ACTN4: variants seen among roughly 807,000 people sequenced by gnomAD.
ACTN4 encodes actinin alpha 4, also known as alpha-actinin-4.
Under a neutral mutation model 114.2 loss-of-function variants are expected in ACTN4, and 18 were observed. The ratio of observed to expected loss-of-function variants is 0.16; its 90% CI spans 0.11 to 0.23. The LOEUF (loss-of-function observed/expected upper bound fraction) is 0.23. Ranked by LOEUF, ACTN4 falls within the 10% of genes least tolerant of loss-of-function variation. The probability of loss-of-function intolerance (pLI) is 1.00; values close to 1 mark genes in which losing one functional copy is unlikely to be tolerated. For synonymous variants in ACTN4, 515 were observed against 506.3 expected, an observed-to-expected ratio of 1.02 and a Z score of -0.23; for missense variants, 722 against 1,262.9, an observed-to-expected ratio of 0.57 and a Z score of 6.49.
intron 1 of ACTN4, 73 bp downstream of exon 1, chr19:38,647,980 A>G: frequency 7.2e-7 from 1 of 1,387,574 alleles, no homozygotes; most frequent in Non-Finnish European, 9.3e-7. Context: ...GGAGGTCCTG[A>G]AAGGTAACTG....
In ACTN4 at chr19:38,726,001, G is replaced by C. The variant is rs763861557; in HGVS notation, c.2190+98G>C. On this transcript the variant is annotated intron_variant, in intron 17 of 20. Transcript: ENST00000252699. ...GTGAGAAGATAGCTGTCTGCTGTCT[G>C]TTGTTTTTCACTCTGTTTAAAAATT... is the stretch of plus-strand genomic sequence containing the variant. 412 of 1,488,132 alleles carry C rather than the reference G, an allele frequency of 2.8e-4. 1 individual carries two copies. The highest frequency in any genetic ancestry group is 3.6e-4 in the Non-Finnish European group (391 of 1,077,666). 92.2% of individuals were successfully genotyped at this position (1,488,132 alleles called of 1,614,324 possible). A position where few individuals can be genotyped will look rare whatever the true frequency, so the allele number is the denominator to read the frequency against.
intron 3 of ACTN4, among the ~76,000 whole-genome samples, chr19:38,704,428 T>C (rs995371202): frequency 1.3e-5 from 2 of 152,100 alleles, no homozygotes; most frequent in Non-Finnish European, 2.9e-5. Flanking sequence ...GGCAGTAGGA[T>C]TGGAAGGAAG....
chr19:38,700,850 G>A (rs1968248624), intron 2 of ACTN4, 136 bp downstream of exon 2: 1 of 1,372,804 alleles, frequency 7.3e-7, no homozygotes, highest in East Asian at 2.5e-5. Flanking sequence ...CTGCACGGTG[G>A]TCTGATGGGT....
intron 1 of ACTN4, among the ~76,000 whole-genome samples, chr19:38,683,349 G>A (rs1013952636): frequency 6.6e-6 from 1 of 152,094 alleles, no homozygotes; most frequent in African/African-American, 2.4e-5. Context: ...CTCGCCCCCC[G>A]CCCTCCTCCA....
At chr19:38,716,433 C>T (rs1443811328) in intron 9 of ACTN4, among the ~76,000 whole-genome samples, 1 of 152,232 alleles carries the variant, frequency 6.6e-6, no homozygotes, top group African/African-American at 2.4e-5. Flanking sequence ...GCATGGAGCT[C>T]AGTGAAGACA....
rs765536166 is a variant in ACTN4 at position 38,727,913 on chromosome 19, T to C, written c.2338-33T>C. On this transcript the variant is annotated intron_variant, in intron 18 of 20. Transcript: ENST00000252699. The surrounding 1 kb of genome is among the most constrained non-coding windows in gnomAD (Gnocchi z 5.4). ...CTCATCCTGGTCTCCACGCCGCCCC[T>C]CCCGCACACCTGCCTTCGGATGGCC... The C allele has an allele frequency of 2.5e-6, 4 of 1,608,150 alleles. No homozygotes were observed. The highest frequency in any genetic ancestry group is 3.4e-6 in the Non-Finnish European group (4 of 1,177,364).
chr19:38,647,979 G>T, intron 1 of ACTN4, 72 bp downstream of exon 1: 1 of 1,390,546 alleles, frequency 7.2e-7, no homozygotes, highest in Non-Finnish European at 9.3e-7. Context: ...GGGAGGTCCT[G>T]AAAGGTAACT....
intron 8 of ACTN4, 66 bp from the exon 9 acceptor site, chr19:38,714,403 G>A: frequency 1.4e-6 from 2 of 1,472,310 alleles, no homozygotes; most frequent in South Asian, 1.2e-5. Flanking sequence ...TGCTTTCAAG[G>A]GACGTGCCCG....
At chr19:38,651,386 T>C (rs191633663) in intron 1 of ACTN4, among the ~76,000 whole-genome samples, 3 of 152,268 alleles carry the variant, frequency 2.0e-5, no homozygotes, top group Admixed American at 1.3e-4. Context: ...TGGAGAAGCA[T>C]TGTTCTGGTC....
At chr19:38,660,111 AG>A (rs1209012573) in intron 1 of ACTN4, among the ~76,000 whole-genome samples, 1 of 152,000 alleles carries the variant, frequency 6.6e-6, no homozygotes, top group Non-Finnish European at 1.5e-5. Flanking sequence ...TAGTAGAGAC[AG>A]GGTTTTGCCA....
chr19:38,708,085 C>G, intron 5 of ACTN4, 32 bp from the exon 6 acceptor site: 1 of 1,609,468 alleles, frequency 6.2e-7, no homozygotes, highest in Non-Finnish European at 8.5e-7. Flanking sequence ...AGTGAGCGGG[C>G]CCTCCTATAA....
intron 1 of ACTN4, among the ~76,000 whole-genome samples, chr19:38,696,789 G>A (rs983898817): frequency 2.0e-5 from 3 of 152,198 alleles, no homozygotes; most frequent in Non-Finnish European, 4.4e-5. Context: ...TGTCAGGTCC[G>A]GATCTGGGTG....
chr19:38,661,801 C>T (rs1464416905), intron 1 of ACTN4, among the ~76,000 whole-genome samples: 4 of 152,114 alleles, frequency 2.6e-5, no homozygotes, highest in African/African-American at 9.7e-5. Context: ...TACAGGCGCC[C>T]GCCACCATGC....
rs183254071 is a variant in ACTN4 at position 38,709,858 on chromosome 19, A to G, written c.733+382A>G. On this transcript the variant is annotated intron_variant, in intron 7 of 20. Coordinates refer to ENST00000252699, the MANE Select transcript of ACTN4 (RefSeq NM_004924.6). ...TCCCTACCTGCAGCAGGCATGGAGTATGGAGCCCGACAAAGTGGAGTGTTT... is the reference window on the plus strand; with the variant it reads ...TCCCTACCTGCAGCAGGCATGGAGTGTGGAGCCCGACAAAGTGGAGTGTTT... Among the ~76,000 whole-genome samples, 317 of 152,276 alleles carry G rather than the reference A, an allele frequency of 2.1e-3. 2 individuals are homozygous for G. Among genetic ancestry groups the G allele is most frequent in the South Asian group, 0.011 (53 of 4,828 alleles).
At chr19:38,665,600 A>G (rs1966932077) in intron 1 of ACTN4, among the ~76,000 whole-genome samples, 2 of 151,972 alleles carry the variant, frequency 1.3e-5, no homozygotes, top group African/African-American at 4.8e-5. Context: ...CCAGCCAGCA[A>G]CTTCGAAGAA....
At chr19:38,673,221 G>A (rs868576066) in intron 1 of ACTN4, among the ~76,000 whole-genome samples, 1 of 151,368 alleles carries the variant, frequency 6.6e-6, no homozygotes, top group South Asian at 2.1e-4. Context: ...AGGATTACAG[G>A]CATGAGCCAC....
chr19:38,716,373 C>T (rs766492927), intron 9 of ACTN4, among the ~76,000 whole-genome samples: 14 of 152,262 alleles, frequency 9.2e-5, no homozygotes, highest in African/African-American at 1.4e-4. Context: ...GTGGGCTTGT[C>T]GGCCTTGCCC....
In ACTN4 at chr19:38,669,026, G is replaced by T. The variant is rs115784413; in HGVS notation, c.162+21119G>T. On this transcript the variant is annotated intron_variant, in intron 1 of 20. Coordinates refer to ENST00000252699, the MANE Select transcript of ACTN4 (RefSeq NM_004924.6). ...TTTTTCGAGACAGTCTCTCCCTGTCGCCCAGGCTGAAATGCAGTGGTATGC... is the reference window on the plus strand; with the variant it reads ...TTTTTCGAGACAGTCTCTCCCTGTCTCCCAGGCTGAAATGCAGTGGTATGC... Among the ~76,000 whole-genome samples the T allele has an allele frequency of 8.5e-3, 1,296 of 152,094 alleles. 18 individuals carry two copies. Among genetic ancestry groups the T allele is most frequent in the African/African-American group, 0.03 (1,239 of 41,482 alleles).
intron 1 of ACTN4, among the ~76,000 whole-genome samples, chr19:38,649,090 T>C (rs1464156008): frequency 7.0e-6 from 1 of 142,938 alleles, no homozygotes; most frequent in African/African-American, 2.6e-5. Flanking sequence ...GTTGAGAGTG[T>C]CCAGGAAGAA....
Sources: allele counts gnomAD v4.1 joint callset (sites outside exome capture counted in the v4.1 genomes callset), GRCh38; gene constraint gnomAD v4.1.1; non-coding constraint Gnocchi (gnomAD v3.1); transcripts MANE v1.5; gene names NCBI Gene and HGNC (gene_info 2026-07-23, HGNC 2026-07-21).